Variants in PLRG1 observed in about 807,000 individuals in gnomAD.
PLRG1 encodes pleiotropic regulator 1.
PLRG1 carries 28 observed loss-of-function variants against 74.9 expected under a neutral mutation model. The ratio of observed to expected loss-of-function variants is 0.37; its 90% CI spans 0.28 to 0.51. The LOEUF is 0.51. PLRG1 is among the 20% of genes least tolerant of loss of function. The pLI, the probability that PLRG1 is intolerant of heterozygous loss-of-function variation, is 0.91. For synonymous variants in PLRG1, 197 were observed against 212.4 expected, an observed-to-expected ratio of 0.93 and a Z score of 0.63; for missense variants, 445 against 631.9, an observed-to-expected ratio of 0.70 and a Z score of 3.17.
intron 7 of PLRG1, among the ~76,000 whole-genome samples, chr4:154,543,445 G>A (rs1161150675): frequency 6.6e-6 from 1 of 152,042 alleles, no homozygotes. Flanking sequence ...CACCATGCCT[G>A]GCCTACACAC....
Position 154,537,983 on chromosome 4 carries a change from A to G in PLRG1, c.1277T>C (p.Val426Ala). ...INTLTVNSDGVLVSGADNGTM... is the reference protein window; with the variant it reads ...INTLTVNSDGALVSGADNGTM... ...TCTTATTTTACCTCCAGATACAAGC[A>G]CTCCATCAGAATTTACCGTCAATGT... is the stretch of plus-strand genomic sequence containing the variant. The change falls in exon 13 of 15, where the codon GTG (valine) becomes GCG (alanine). Residue 426 changes from valine (V) to alanine (A), a missense_variant. Val to Ala is a moderately conservative substitution (Grantham distance 64). Coordinates refer to ENST00000499023, the MANE Select transcript of PLRG1 (RefSeq NM_002669.4). 3 of 1,498,264 alleles carry G rather than the reference A, an allele frequency of 2.0e-6. No homozygotes were observed. The highest frequency in any genetic ancestry group is 2.7e-6 in the Non-Finnish European group (3 of 1,108,150). The allele number at this position is 1,498,264 out of a possible 1,614,324, so 92.8% of individuals were successfully genotyped here.
intron 11 of PLRG1, 57 bp downstream of exon 11, chr4:154,539,894 A>G (rs1487465902): frequency 1.2e-6 from 1 of 849,870 alleles, no homozygotes; most frequent in Non-Finnish European, 2.1e-6. Flanking sequence ...AAGTATATGT[A>G]TAATAACATG....
intron 7 of PLRG1, among the ~76,000 whole-genome samples, chr4:154,543,050 A>G (rs1445602605): frequency 3.3e-5 from 5 of 152,236 alleles, no homozygotes; most frequent in East Asian, 1.9e-4. Context: ...AATTTATTGT[A>G]TATTTCAAAA....
In PLRG1 at chr4:154,539,969, C is replaced by G; in HGVS notation, c.1024G>C (p.Glu342Gln). 6.4e-7 allele frequency: 1 copy of G among 1,567,144 alleles called. No individual in the cohort carries two copies. The change falls in exon 11 of 15, where the codon GAA becomes CAA. Residue 342 changes from glutamate (E) to glutamine (Q), a missense_variant. Physicochemically the swap from Glu to Gln is conservative, Grantham distance 29. Coordinates refer to ENST00000499023, the MANE Select transcript of PLRG1 (RefSeq NM_002669.4). The stretch of plus-strand genomic sequence containing the variant: ...ATCATACCTGTAATAATTTGTGGTT[C>G]TGCAGCCTGACATCTCACTGTAGCA... ...AVATVRCQAA[E>Q]PQIITGSHDT...
At chr4:154,544,360 T>C (rs751346068) in intron 7 of PLRG1, 85 bp downstream of exon 7, 1 of 811,384 alleles carries the variant, frequency 1.2e-6, no homozygotes, top group African/African-American at 1.7e-5. Flanking sequence ...TATTCACTCT[T>C]TTTCCTCCTT....
chr4:154,540,227 G>T (rs1221693571), intron 10 of PLRG1, 174 bp from the exon 11 acceptor site: 3 of 587,172 alleles, frequency 5.1e-6, no homozygotes, highest in Non-Finnish European at 9.0e-6. Flanking sequence ...ATATAAATAG[G>T]AGACAACTTG....
At chr4:154,543,650 G>C (rs1389309559) in intron 7 of PLRG1, among the ~76,000 whole-genome samples, 1 of 152,148 alleles carries the variant, frequency 6.6e-6, no homozygotes, top group African/African-American at 2.4e-5. Context: ...GGTGTTTTTT[G>C]AGGTGGTGTA....
In PLRG1 at chr4:154,550,378, G is replaced by A; in HGVS notation, c.-70C>T. 6.8e-7 allele frequency: 1 copy of A among 1,461,554 alleles called. No homozygotes were observed. Among genetic ancestry groups the A allele is most frequent in the Non-Finnish European group, 9.6e-7 (1 of 1,041,766 alleles). The allele number at this position is 1,461,554 out of a possible 1,614,324, so 90.5% of individuals were successfully genotyped here. Reference sequence around the variant, plus strand: ...CACTAACGCAGTACCCGCCGCCACAGCTGTGCAGCACCTTCCGGAATTGGG... The same window carrying A: ...CACTAACGCAGTACCCGCCGCCACAACTGTGCAGCACCTTCCGGAATTGGG... On this transcript the variant is annotated 5_prime_UTR_variant, in exon 1 of 15. Transcript: ENST00000499023.
chr4:154,541,892 C>T (rs1406293664), intron 8 of PLRG1: 2 of 327,332 alleles, frequency 6.1e-6, no homozygotes, highest in African/African-American at 4.1e-5. Flanking sequence ...ATATTTTCCA[C>T]ATTTTCTATG....
chr4:154,542,217 A>G lies in PLRG1; in HGVS notation c.657T>C (p.Phe219=). 6.2e-7 allele frequency: 1 copy of G among 1,610,238 alleles called. No individual in the cohort carries two copies. Among genetic ancestry groups the G allele is most frequent in the South Asian group, 1.1e-5 (1 of 91,004 alleles). Residue 219 remains phenylalanine (F), a synonymous_variant, in exon 8 of 15, where the codon TTT becomes TTC. Coordinates refer to ENST00000499023, the MANE Select transcript of PLRG1 (RefSeq NM_002669.4). The part of the protein sequence containing the change: ...CIAVEPGNQW[F]VTGSADRTIK... ...TAGTTCTGTCAGCAGATCCAGTAAC[A>G]AACCACTGATTTCCAGGTTCCACAG...
chr4:154,536,235 CTGT>C lies in PLRG1; in HGVS notation c.*447_*449del, dbSNP rs1190194810. On this transcript the variant is annotated 3_prime_UTR_variant, in exon 15 of 15. Transcript: ENST00000499023. ...ACTTTGTAGAACATACACTCAAAAACTGTTTTTGGAATAAACATACATAAATTA... is the reference window on the plus strand; with the variant it reads ...ACTTTGTAGAACATACACTCAAAAACTTTTGGAATAAACATACATAAATTA... 1 of 160,998 alleles carries C rather than the reference CTGT, an allele frequency of 6.2e-6. No individual in the cohort carries two copies. Among genetic ancestry groups the C allele is most frequent in the African/African-American group, 2.4e-5 (1 of 41,504 alleles). 10.0% of individuals were successfully genotyped at this position (160,998 alleles called of 1,614,324 possible).
chr4:154,537,599 C>A, intron 13 of PLRG1, 120 bp from the exon 14 acceptor site: 1 of 633,012 alleles, frequency 1.6e-6, no homozygotes, highest in South Asian at 2.2e-5. Flanking sequence ...ACATAAGACA[C>A]AGGCACTCCA....
chr4:154,536,674 T>A lies in PLRG1; in HGVS notation c.*11A>T. 3 of 1,404,698 alleles carry A rather than the reference T, an allele frequency of 2.1e-6. No homozygotes were observed. Among genetic ancestry groups the A allele is most frequent in the Non-Finnish European group, 3.0e-6 (3 of 1,010,112 alleles). 87.0% of individuals were successfully genotyped at this position (1,404,698 alleles called of 1,614,324 possible). ...AAGAAAAAAAAAGAGAGAGAAAAAA[T>A]TCCACATTCATTAAAATCTCTTTCT... On this transcript the variant is annotated 3_prime_UTR_variant, in exon 15 of 15. Coordinates refer to ENST00000499023, the MANE Select transcript of PLRG1 (RefSeq NM_002669.4).
At chr4:154,542,008 C>T (rs1729563894) in intron 8 of PLRG1, 179 bp downstream of exon 8, 1 of 561,464 alleles carries the variant, frequency 1.8e-6, no homozygotes, top group South Asian at 2.6e-5. Context: ...TTAAATAGCA[C>T]TTTTCAAACA....
chr4:154,548,978 AC>A (rs1315168842), intron 1 of PLRG1, 43 bp from the exon 2 acceptor site: 1 of 1,098,142 alleles, frequency 9.1e-7, no homozygotes, highest in South Asian at 1.3e-5. Flanking sequence ...TACAAATTAC[AC>A]AAATCATAAC....
chr4:154,538,962 AG>A, intron 12 of PLRG1, 142 bp downstream of exon 12: 1 of 583,234 alleles, frequency 1.7e-6, no homozygotes, highest in Non-Finnish European at 3.1e-6. Context: ...GGAAAATAAA[AG>A]AAACACACGT....
chr4:154,546,312 A>G, intron 4 of PLRG1, 99 bp from the exon 5 acceptor site: 1 of 676,334 alleles, frequency 1.5e-6, no homozygotes, highest in South Asian at 1.7e-5. Context: ...CCAAATGTTT[A>G]TTATCTCCAG....
chr4:154,544,512 G>C lies in PLRG1; in HGVS notation c.527C>G (p.Ala176Gly). 6.2e-7 allele frequency: 1 copy of C among 1,611,928 alleles called. No individual in the cohort carries two copies. Among genetic ancestry groups the C allele is most frequent in the Non-Finnish European group, 8.5e-7 (1 of 1,178,112 alleles). ...TGTAGGGGCTTTTTTAGCCATCAGTGCAGAGTTCTTGGTATTGCCAGTCTC... is the reference window on the plus strand; with the variant it reads ...TGTAGGGGCTTTTTTAGCCATCAGTCCAGAGTTCTTGGTATTGCCAGTCTC... ...VMETGNTKNS[A>G]LMAKKAPTMP... Residue 176 changes from alanine to glycine, a missense_variant, in exon 7 of 15, where the codon GCA (alanine) becomes GGA (glycine). Ala to Gly is a moderately conservative substitution (Grantham distance 60). Coordinates refer to ENST00000499023, the MANE Select transcript of PLRG1 (RefSeq NM_002669.4).
chr4:154,538,443 A>G (rs1253268299), intron 12 of PLRG1, among the ~76,000 whole-genome samples: 1 of 151,936 alleles, frequency 6.6e-6, no homozygotes, highest in Non-Finnish European at 1.5e-5. Flanking sequence ...AGGGAGGGAG[A>G]GCAAGACAGG....
Sources: gnomAD v4.1 joint callset for allele counts (sites outside exome capture counted in the v4.1 genomes callset) on GRCh38, gnomAD v4.1.1 for gene constraint, MANE v1.5 for transcripts, NCBI Gene and HGNC (gene_info 2026-07-23, HGNC 2026-07-21) for gene names.